CNTN4: variants seen among roughly 807,000 people sequenced by gnomAD.
CNTN4 encodes contactin 4, also known as contactin-4.
A neutral mutation model predicts 122.5 loss-of-function variants in CNTN4; 77 were observed. That is an observed-to-expected ratio of 0.63 (90% CI 0.52 to 0.76). CNTN4 has a LOEUF of 0.76. CNTN4 is among the 30% of genes least tolerant of loss of function. The probability of loss-of-function intolerance (pLI) is 0.00; values close to 1 mark genes in which losing one functional copy is unlikely to be tolerated. For missense variants in CNTN4, 1,256 were observed against 1,259.1 expected (o/e 1.00, Z 0.04); for synonymous variants, 512 against 447.0 (o/e 1.15, Z -1.83).
chr3:2,629,658 C>T, intron 4 of CNTN4: 4 of 379,330 alleles, frequency 1.1e-5, no homozygotes, highest in South Asian at 7.8e-5. Flanking sequence ...TCATGGTTCT[C>T]CTGTAGGCCA....
intron 14 of CNTN4, among the ~76,000 whole-genome samples, chr3:3,020,677 C>G (rs1698214791): frequency 6.6e-6 from 1 of 152,194 alleles, no homozygotes; most frequent in African/African-American, 2.4e-5. Context: ...AAAGTTCTTC[C>G]TTCTACAGAG....
At chr3:2,699,391 T>A (rs2086231116) in intron 4 of CNTN4, among the ~76,000 whole-genome samples, 2 of 152,208 alleles carry the variant, frequency 1.3e-5, no homozygotes, top group Admixed American at 1.3e-4. Context: ...TCAGACTAGA[T>A]CTGTGCCCCC....
At chr3:2,291,344 C>G (rs1308182524) in intron 2 of CNTN4, among the ~76,000 whole-genome samples, 1 of 152,076 alleles carries the variant, frequency 6.6e-6, no homozygotes, top group African/African-American at 2.4e-5. Flanking sequence ...TCTCACTATT[C>G]AAGAATTTAT....
chr3:2,452,347 A>G (rs1038839500), intron 3 of CNTN4, among the ~76,000 whole-genome samples: 3 of 152,172 alleles, frequency 2.0e-5, no homozygotes, highest in Non-Finnish European at 2.9e-5. Context: ...TGCTTTGTGC[A>G]TGCATCATGC....
intron 7 of CNTN4, among the ~76,000 whole-genome samples, chr3:2,822,088 A>C (rs1390661066): frequency 6.6e-6 from 1 of 152,202 alleles, no homozygotes; most frequent in Non-Finnish European, 1.5e-5. Flanking sequence ...ATCAGGGACA[A>C]GGAATTGTTA....
chr3:2,542,885 AACTGATCATGCTT>A (rs1210213871), intron 3 of CNTN4, among the ~76,000 whole-genome samples: 2 of 152,154 alleles, frequency 1.3e-5, no homozygotes, highest in African/African-American at 4.8e-5. Context: ...ATCAGAAAAC[AACTGATCATGCTT>A]ACGTTGTATT....
chr3:3,038,992 A>T lies in CNTN4; in HGVS notation c.2152A>T (p.Ile718Leu). The T allele has an allele frequency of 6.2e-7, 1 of 1,613,700 alleles. No homozygotes were observed. The highest frequency in any genetic ancestry group is 8.5e-7 in the Non-Finnish European group (1 of 1,179,554). The change falls in exon 19 of 25, where the codon ATA becomes TTA. Residue 718 changes from isoleucine to leucine, a missense_variant. Physicochemically the swap from Ile to Leu is conservative, Grantham distance 5 (BLOSUM62 2). Coordinates refer to ENST00000418658, the MANE Select transcript of CNTN4 (RefSeq NM_175607.3). ...GGGGSKSELVITWETVPEELQ... is the reference protein window; with the variant it reads ...GGGGSKSELVLTWETVPEELQ... ...CGGAGGCAGCAAATCTGAACTGGTT[A>T]TAACCTGGGAGGTAAATGAATCACA...
chr3:2,591,945 A>G (rs983422480), intron 4 of CNTN4, among the ~76,000 whole-genome samples: 2 of 152,024 alleles, frequency 1.3e-5, no homozygotes, highest in African/African-American at 2.4e-5. Context: ...TAGTGCAATC[A>G]TAGCTCACTG....
chr3:2,249,119 ATTAT>A (rs1264257053), intron 2 of CNTN4, among the ~76,000 whole-genome samples: 3 of 134,364 alleles, frequency 2.2e-5, no homozygotes, highest in African/African-American at 7.7e-5. Context: ...ATGCATAATT[ATTAT>A]TTGTCAATTA....
At chr3:2,592,677 G>C (rs531651022) in intron 4 of CNTN4, among the ~76,000 whole-genome samples, 1 of 152,130 alleles carries the variant, frequency 6.6e-6, no homozygotes, top group Non-Finnish European at 1.5e-5. Context: ...CCCCAGACAC[G>C]TAGAACTGTA....
At chr3:2,160,272 T>C (rs1179203366) in intron 2 of CNTN4, among the ~76,000 whole-genome samples, 2 of 152,168 alleles carry the variant, frequency 1.3e-5, no homozygotes, top group African/African-American at 2.4e-5. Context: ...ATCGTTTTAC[T>C]GAAAAAGCAA....
At chr3:2,559,266 A>G (rs1373628925) in intron 3 of CNTN4, among the ~76,000 whole-genome samples, 1 of 152,210 alleles carries the variant, frequency 6.6e-6, no homozygotes, top group Non-Finnish European at 1.5e-5. Flanking sequence ...GTACCCCACC[A>G]TTGCAGAGAA....
intron 4 of CNTN4, among the ~76,000 whole-genome samples, chr3:2,605,926 A>G (rs1307827065): frequency 1.3e-5 from 2 of 152,182 alleles, no homozygotes; most frequent in East Asian, 1.9e-4. Flanking sequence ...AGAAAATTTA[A>G]TCAAGGGGAT....
At chr3:2,210,871 A>G (rs988624313) in intron 2 of CNTN4, among the ~76,000 whole-genome samples, 1 of 152,220 alleles carries the variant, frequency 6.6e-6, no homozygotes, top group African/African-American at 2.4e-5. Context: ...ATCATAGAAG[A>G]AAAACAAATC....
intron 4 of CNTN4, among the ~76,000 whole-genome samples, chr3:2,626,260 G>T (rs911050988): frequency 6.6e-6 from 1 of 152,036 alleles, no homozygotes; most frequent in Non-Finnish European, 1.5e-5. Context: ...ATCTAAGGCC[G>T]AGGTGGGCGG....
At chr3:2,690,925 C>A (rs1282264046) in intron 4 of CNTN4, among the ~76,000 whole-genome samples, 1 of 152,122 alleles carries the variant, frequency 6.6e-6, no homozygotes, top group East Asian at 1.9e-4. Flanking sequence ...CCCCACAAAA[C>A]TTAAAATATT....
chr3:2,788,750 T>C (rs1234425108), intron 6 of CNTN4, among the ~76,000 whole-genome samples: 1 of 152,200 alleles, frequency 6.6e-6, no homozygotes, highest in East Asian at 1.9e-4. Flanking sequence ...AATAGCTGAA[T>C]AGCTTTTATT....
intron 14 of CNTN4, among the ~76,000 whole-genome samples, chr3:3,016,443 T>A (rs1329822351): frequency 6.6e-6 from 1 of 152,194 alleles, no homozygotes; most frequent in East Asian, 1.9e-4. Flanking sequence ...ACCCTGCTAC[T>A]GAAGCATGGC....
chr3:3,024,384 TAAAAAAAA>T (rs55892513), intron 14 of CNTN4, among the ~76,000 whole-genome samples: 28 of 90,252 alleles, frequency 3.1e-4, no homozygotes, highest in African/African-American at 5.1e-4. Context: ...TTTTCCTCAT[TAAAAAAAA>T]AAAAAAAAAA....
Sources: gnomAD v4.1 joint callset for allele counts (sites outside exome capture counted in the v4.1 genomes callset) on GRCh38, gnomAD v4.1.1 for gene constraint, MANE v1.5 for transcripts, NCBI Gene and HGNC (gene_info 2026-07-23, HGNC 2026-07-21) for gene names.